Variants in GRID2 observed in about 807,000 individuals in gnomAD.
The protein encoded by GRID2 is glutamate receptor ionotropic, delta-2.
Under a neutral mutation model 114.8 loss-of-function variants are expected in GRID2, and 33 were observed. The ratio of observed to expected loss-of-function variants is 0.29; its 90% CI spans 0.22 to 0.38. The LOEUF (loss-of-function observed/expected upper bound fraction) is 0.38, where lower values mean the gene tolerates loss of function less well. Ranked by LOEUF, GRID2 falls within the 10% of genes least tolerant of loss-of-function variation. GRID2 has a pLI of 1.00. For missense variants in GRID2, 1,184 were observed against 1,257.7 expected (o/e 0.94, Z 0.89); for synonymous variants, 505 against 449.9 (o/e 1.12, Z -1.55).
At chr4:93,209,272 C>T (rs1236205436) in intron 5 of GRID2, among the ~76,000 whole-genome samples, 1 of 151,972 alleles carries the variant, frequency 6.6e-6, no homozygotes, top group Non-Finnish European at 1.5e-5. Flanking sequence ...TCAGTAGACC[C>T]CGAAGTGTGT....
At chr4:93,230,078 A>C (rs1232640659) in intron 7 of GRID2, among the ~76,000 whole-genome samples, 1 of 151,918 alleles carries the variant, frequency 6.6e-6, no homozygotes, top group African/African-American at 2.4e-5. Context: ...CTGATTAAAG[A>C]TTTATAGTGT....
At position 92,689,038 on chromosome 4, in the gene GRID2, A is replaced by G. The variant is rs142890720; in HGVS notation, c.244+98752A>G. 2.0e-4 allele frequency among the ~76,000 whole-genome samples: 31 copies of G among 152,312 alleles called. No individual in the cohort carries two copies. In the East Asian group the frequency reaches 5.8e-3, roughly 28 times the overall value. On this transcript the variant is annotated intron_variant, in intron 2 of 15. Coordinates refer to ENST00000282020, the MANE Select transcript of GRID2 (RefSeq NM_001510.4). ...ACGTCTCTATAAGAGTTCTAGGGTG[A>G]TCAAGACCAGTATCAATGAGCACTA... is the stretch of plus-strand genomic sequence containing the variant.
chr4:93,264,663 T>A (rs1750602329), intron 8 of GRID2, among the ~76,000 whole-genome samples: 2 of 148,126 alleles, frequency 1.4e-5, no homozygotes, highest in Admixed American at 6.8e-5. Context: ...TTAATCTCAT[T>A]ATTGGTCCTG....
chr4:93,191,182 C>CA (rs1740944177), intron 4 of GRID2, among the ~76,000 whole-genome samples: 1 of 151,764 alleles, frequency 6.6e-6, no homozygotes, highest in Non-Finnish European at 1.5e-5. Flanking sequence ...ATTTTTAGCA[C>CA]AAAAAATAGC....
At chr4:92,333,006 A>G (rs1252398282) in intron 1 of GRID2, among the ~76,000 whole-genome samples, 1 of 152,132 alleles carries the variant, frequency 6.6e-6, no homozygotes, top group Admixed American at 6.5e-5. Context: ...GGGGCTGTAT[A>G]GTTCTGGGGT....
chr4:93,516,217 A>G (rs1298616433), intron 13 of GRID2, among the ~76,000 whole-genome samples: 1 of 152,160 alleles, frequency 6.6e-6, no homozygotes, highest in Non-Finnish European at 1.5e-5. Flanking sequence ...CTTCCACTGC[A>G]GAATAATTTG....
intron 2 of GRID2, among the ~76,000 whole-genome samples, chr4:92,762,268 A>T (rs1257833638): frequency 6.6e-6 from 1 of 152,062 alleles, no homozygotes; most frequent in African/African-American, 2.4e-5. Context: ...ATTAAGAGCA[A>T]TTTCTTACTG....
At position 93,727,605 on chromosome 4, in the gene GRID2, C is replaced by T. The variant is rs1301527981; in HGVS notation, c.2361-41605C>T. Among the ~76,000 whole-genome samples, 3 of 152,272 alleles carry T rather than the reference C, an allele frequency of 2.0e-5. No homozygotes were observed. In the East Asian group the frequency reaches 5.8e-4, roughly 29 times the overall value. On this transcript the variant is annotated intron_variant, in intron 14 of 15. Coordinates refer to ENST00000282020, the MANE Select transcript of GRID2 (RefSeq NM_001510.4). ...CTTCTGGTAGAATTCGGCTGTGAAT[C>T]CATCTGGTCCTGGACTTTTTTTGGT...
chr4:93,126,658 C>G lies in GRID2; in HGVS notation c.735+15705C>G, dbSNP rs1436430582. On this transcript the variant is annotated intron_variant, in intron 4 of 15. Transcript: ENST00000282020. Reference sequence around the variant, plus strand: ...TGTCACCCAGGCTGGAGTGCAGTGGCGCGATCTCGGCTCACTGCAAGCTCC... The same window carrying G: ...TGTCACCCAGGCTGGAGTGCAGTGGGGCGATCTCGGCTCACTGCAAGCTCC... 7.7e-5 allele frequency among the ~76,000 whole-genome samples: 9 copies of G among 117,150 alleles called. No individual in the cohort carries two copies. The Admixed American group carries it at 9.0e-4, about 12-fold the overall frequency. The allele number at this position is 117,150 out of a possible 152,430, so 76.9% of individuals were successfully genotyped here. A position where few individuals can be genotyped will look rare whatever the true frequency, so the allele number is the denominator to read the frequency against.
chr4:93,425,792 C>G (rs1032157485), intron 10 of GRID2, among the ~76,000 whole-genome samples: 1 of 152,062 alleles, frequency 6.6e-6, no homozygotes, highest in Admixed American at 6.6e-5. Flanking sequence ...CTCTGTCGAC[C>G]CCATCCCCGC....
intron 8 of GRID2, among the ~76,000 whole-genome samples, chr4:93,317,414 C>G (rs992231243): frequency 6.6e-6 from 1 of 151,702 alleles, no homozygotes; most frequent in Non-Finnish European, 1.5e-5. Context: ...TAATCCTGAA[C>G]TACCAGAATT....
At chr4:93,747,871 A>C (rs1358700000) in intron 14 of GRID2, among the ~76,000 whole-genome samples, 1 of 152,086 alleles carries the variant, frequency 6.6e-6, no homozygotes, top group African/African-American at 2.4e-5. Context: ...TCTTTTAAAG[A>C]CATTCAAAAA....
intron 11 of GRID2, among the ~76,000 whole-genome samples, chr4:93,460,102 T>A (rs1280349681): frequency 6.6e-6 from 1 of 152,180 alleles, no homozygotes; most frequent in Non-Finnish European, 1.5e-5. Context: ...AATATACGAT[T>A]CACATACTTG....
At chr4:93,256,531 G>C (rs548221777) in intron 8 of GRID2, among the ~76,000 whole-genome samples, 1 of 151,812 alleles carries the variant, frequency 6.6e-6, no homozygotes, top group African/African-American at 2.4e-5. Flanking sequence ...GCATAGCAAG[G>C]TTAGACCTAT....
chr4:93,277,671 C>T (rs963357525), intron 8 of GRID2, among the ~76,000 whole-genome samples: 1 of 151,750 alleles, frequency 6.6e-6, no homozygotes, highest in Middle Eastern at 3.2e-3. Flanking sequence ...ATATGATATG[C>T]ATATTTTCAT....
chr4:93,087,017 GATTTATTTATTT>G (rs140238204), intron 3 of GRID2, among the ~76,000 whole-genome samples: 13 of 147,626 alleles, frequency 8.8e-5, no homozygotes, highest in African/African-American at 2.5e-4. Flanking sequence ...CTATGAAAGT[GATTTATTTATTT>G]ATTTATTTAT....
chr4:93,802,063 C>T (rs1271514465), intron 1 of GRID2, among the ~76,000 whole-genome samples: 2 of 152,206 alleles, frequency 1.3e-5, no homozygotes, highest in Non-Finnish European at 2.9e-5. Flanking sequence ...GTCTATTGTA[C>T]AGTAGCTGTT....
At chr4:92,967,235 A>G (rs1753212243) in intron 2 of GRID2, among the ~76,000 whole-genome samples, 1 of 151,992 alleles carries the variant, frequency 6.6e-6, no homozygotes, top group South Asian at 2.1e-4. Context: ...CTAATTAAGC[A>G]TGGTTCACCA....
intron 1 of GRID2, among the ~76,000 whole-genome samples, chr4:92,437,512 G>T (rs991798521): frequency 6.6e-6 from 1 of 152,166 alleles, no homozygotes; most frequent in African/African-American, 2.4e-5. Context: ...CAAGTGATCT[G>T]CCTGCCTTGG....
Sources: allele counts gnomAD v4.1 joint callset (sites outside exome capture counted in the v4.1 genomes callset), GRCh38; gene constraint gnomAD v4.1.1; transcripts MANE v1.5; gene names NCBI Gene and HGNC (gene_info 2026-07-23, HGNC 2026-07-21).